TRMT44: variants seen among roughly 807,000 people sequenced by gnomAD.
The protein encoded by TRMT44 is probable tRNA (uracil-O(2)-)-methyltransferase.
TRMT44 carries 78 observed loss-of-function variants against 77.3 expected under a neutral mutation model. The observed-to-expected ratio is 1.01, with a 90% CI of 0.84 to 1.22. TRMT44 has a LOEUF of 1.22. Ranked by LOEUF, TRMT44 falls within the 50% of genes most tolerant of loss-of-function variation. The probability of loss-of-function intolerance (pLI) is 0.00; values close to 1 mark genes in which losing one functional copy is unlikely to be tolerated. For missense variants in TRMT44, 1,090 were observed against 964.4 expected (o/e 1.13, Z -1.73); for synonymous variants, 391 against 383.3 (o/e 1.02, Z -0.23).
rs2109179273 is a variant in TRMT44 at position 8,471,068 on chromosome 4, A to AG, written c.1928-16_1928-15insG. The stretch of plus-strand genomic sequence containing the variant: ...TGCTGTTGTTTTGGGGAAAAAAAAA[A>AG]CCCGTTTTTCCACAGAGAGCCTATC... On this transcript the variant is annotated splice_polypyrimidine_tract_variant and intron_variant, in intron 9 of 10. Coordinates refer to ENST00000389737, the MANE Select transcript of TRMT44 (RefSeq NM_152544.3). 1 of 1,560,320 alleles carries AG rather than the reference A, an allele frequency of 6.4e-7. No homozygotes were observed. The highest frequency in any genetic ancestry group is 1.4e-5 in the African/African-American group (1 of 72,028).
chr4:8,440,959 G>T lies in TRMT44; in HGVS notation c.137G>T (p.Arg46Leu). Residue 46 changes from arginine to leucine, a missense_variant, in exon 1 of 11, where the codon CGC becomes CTC. Physicochemically the swap from Arg to Leu is moderately radical, Grantham distance 102. Coordinates refer to ENST00000389737, the MANE Select transcript of TRMT44 (RefSeq NM_152544.3). Reference sequence around the variant, plus strand: ...CTTTGCGGCGCCCGCCTGGAGGCCCGCTGGAGCGCCGCCCTGCCCTGCGCG... The same window carrying T: ...CTTTGCGGCGCCCGCCTGGAGGCCCTCTGGAGCGCCGCCCTGCCCTGCGCG... ...KRLCGARLEA[R>L]WSAALPCAEA... 6.5e-7 allele frequency: 1 copy of T among 1,528,836 alleles called. No individual in the cohort carries two copies. The highest frequency in any genetic ancestry group is 8.7e-7 in the Non-Finnish European group (1 of 1,144,850). 94.7% of individuals were successfully genotyped at this position (1,528,836 alleles called of 1,614,324 possible).
At chr4:8,457,656 G>A (rs565921218) in intron 6 of TRMT44, among the ~76,000 whole-genome samples, 65 of 152,286 alleles carry the variant, frequency 4.3e-4, no homozygotes, top group Middle Eastern at 6.8e-3. Context: ...TGAAGACACC[G>A]TCATTGCTAC....
chr4:8,496,690 G>T (rs934225251), downstream of TRMT44, among the ~76,000 whole-genome samples: 1 of 152,150 alleles, frequency 6.6e-6, no homozygotes, highest in Admixed American at 6.5e-5. Context: ...AGATGCAGGC[G>T]GTCACTGTGG....
chr4:8,491,968 C>G (rs1011255497), intron 2 of TRMT44, among the ~76,000 whole-genome samples: 3 of 152,270 alleles, frequency 2.0e-5, no homozygotes, highest in Non-Finnish European at 2.9e-5. Flanking sequence ...ACGCTGTCAC[C>G]TCTCAACTCA....
intron 10 of TRMT44, 47 bp from the exon 11 acceptor site, chr4:8,475,725 A>G: frequency 2.5e-6 from 4 of 1,585,284 alleles, no homozygotes; most frequent in Non-Finnish European, 3.5e-6. Context: ...GAATTAAGGA[A>G]CTTTCAGGTT....
intron 5 of TRMT44, chr4:8,453,842 A>G (rs1352491654): frequency 6.6e-6 from 1 of 152,238 alleles, no homozygotes; most frequent in Non-Finnish European, 1.5e-5. Context: ...TCTTCCTGCT[A>G]TGCTGTACTG....
chr4:8,469,031 G>T (rs967422623), intron 9 of TRMT44, among the ~76,000 whole-genome samples: 1 of 152,138 alleles, frequency 6.6e-6, no homozygotes, highest in African/African-American at 2.4e-5. Context: ...CGGCCCCTCC[G>T]TCGGTGACTT....
intron 2 of TRMT44, chr4:8,482,276 G>T (rs1727639933): frequency 6.6e-6 from 1 of 152,262 alleles, no homozygotes; most frequent in African/African-American, 2.4e-5. Context: ...CCACAGCCGT[G>T]TTGAGTTTTG....
chr4:8,484,178 T>G (rs1293571442), intron 2 of TRMT44, among the ~76,000 whole-genome samples: 5 of 151,498 alleles, frequency 3.3e-5, no homozygotes, highest in African/African-American at 1.2e-4. Context: ...GTGATCAGGG[T>G]GAGGAACAGA....
At chr4:8,442,209 G>A (rs1313892736) in intron 1 of TRMT44, among the ~76,000 whole-genome samples, 6 of 152,148 alleles carry the variant, frequency 3.9e-5, no homozygotes. Context: ...GGCCTCTTGT[G>A]GCTTTCCACA....
intron 2 of TRMT44, among the ~76,000 whole-genome samples, chr4:8,492,414 C>T (rs1312020737): frequency 2.0e-5 from 3 of 152,174 alleles, no homozygotes; most frequent in East Asian, 3.8e-4. Flanking sequence ...AAATTATGAC[C>T]GTGAAAGGAC....
At chr4:8,509,365 G>C in the TRMT44 span, 1 of 152,710 alleles carries the variant, frequency 6.5e-6, no homozygotes, top group Admixed American at 6.5e-5. Flanking sequence ...AGGAGCTTGC[G>C]GGCAGCCCTG....
chr4:8,440,962 GGA>G lies in TRMT44; in HGVS notation c.142_143del (p.Ser48ArgfsTer14). 1 of 1,529,192 alleles carries G rather than the reference GGA, an allele frequency of 6.5e-7. No homozygotes were observed. Among genetic ancestry groups the G allele is most frequent in the Non-Finnish European group, 8.7e-7 (1 of 1,144,998 alleles). 94.7% of individuals were successfully genotyped at this position (1,529,192 alleles called of 1,614,324 possible). On this transcript the variant is annotated frameshift_variant, in exon 1 of 11. Transcript: ENST00000389737. LOFTEE classifies it high-confidence loss of function. ...TGCGGCGCCCGCCTGGAGGCCCGCTGGAGCGCCGCCCTGCCCTGCGCGGAGGC... is the reference window on the plus strand; with the variant it reads ...TGCGGCGCCCGCCTGGAGGCCCGCTGGCGCCGCCCTGCCCTGCGCGGAGGC...
intron 10 of TRMT44, among the ~76,000 whole-genome samples, chr4:8,472,984 C>G (rs1370784263): frequency 1.3e-5 from 2 of 152,158 alleles, no homozygotes; most frequent in Non-Finnish European, 2.9e-5. Flanking sequence ...GCAGGTCACC[C>G]TGGGGGGGCA....
In TRMT44 at chr4:8,440,815, T is replaced by G; in HGVS notation, c.-8T>G. ...GCCGCTGCCAGGGCTGTACACCTGC[T>G]GGCTGCCATGGCTGAGGTGGGCCGT... is the stretch of plus-strand genomic sequence containing the variant. On this transcript the variant is annotated 5_prime_UTR_variant, in exon 1 of 11. Coordinates refer to ENST00000389737, the MANE Select transcript of TRMT44 (RefSeq NM_152544.3). 1 of 1,447,026 alleles carries G rather than the reference T, an allele frequency of 6.9e-7. No homozygotes were observed. The allele number at this position is 1,447,026 out of a possible 1,614,324, so 89.6% of individuals were successfully genotyped here.
At chr4:8,443,487 G>A (rs1296137790) in intron 1 of TRMT44, among the ~76,000 whole-genome samples, 1 of 152,214 alleles carries the variant, frequency 6.6e-6, no homozygotes, top group Non-Finnish European at 1.5e-5. Context: ...ATTACAAGCT[G>A]TATGGCTGTG....
chr4:8,467,160 C>T (rs1019923501), intron 8 of TRMT44, among the ~76,000 whole-genome samples: 2 of 152,204 alleles, frequency 1.3e-5, no homozygotes, highest in African/African-American at 2.4e-5. Context: ...GCGCAGCCCC[C>T]GTATGCACTC....
intron 1 of TRMT44, among the ~76,000 whole-genome samples, chr4:8,441,686 G>A (rs150766789): frequency 1.8e-4 from 27 of 152,288 alleles, no homozygotes; most frequent in African/African-American, 6.0e-4. Flanking sequence ...TGGATATTGC[G>A]TAATACCTAG....
intron 6 of TRMT44, among the ~76,000 whole-genome samples, chr4:8,460,018 G>C (rs28609497): frequency 0.019 from 2,892 of 152,272 alleles, 101 homozygotes; most frequent in African/African-American, 0.065. Flanking sequence ...TCTATTCCAC[G>C]CTGTCAGCCA....
Sources: allele counts gnomAD v4.1 joint callset (sites outside exome capture counted in the v4.1 genomes callset), GRCh38; gene constraint gnomAD v4.1.1; transcripts MANE v1.5; gene names NCBI Gene and HGNC (gene_info 2026-07-23, HGNC 2026-07-21).